Variants in SYNCRIP observed in about 807,000 individuals in gnomAD.
SYNCRIP encodes the protein heterogeneous nuclear ribonucleoprotein Q.
In SYNCRIP, 9 loss-of-function variants were observed where a neutral mutation model predicts 68.9. That is an observed-to-expected ratio of 0.13 (90% CI 0.08 to 0.23). The LOEUF is 0.23. Among genes scored for constraint, SYNCRIP ranks in the 10% least tolerant of loss-of-function variants. The pLI, the probability that SYNCRIP is intolerant of heterozygous loss-of-function variation, is 1.00. For missense variants in SYNCRIP, 414 were observed against 770.6 expected (o/e 0.54, Z 5.48); for synonymous variants, 258 against 254.0 (o/e 1.02, Z -0.15).
At chr6:85,634,264 T>C (rs1334313939) in intron 6 of SYNCRIP, among the ~76,000 whole-genome samples, 1 of 152,238 alleles carries the variant, frequency 6.6e-6, no homozygotes, top group Non-Finnish European at 1.5e-5. Context: ...TAATGGATTA[T>C]AAACCATCTT....
intron 7 of SYNCRIP, among the ~76,000 whole-genome samples, chr6:85,623,040 A>C (rs377112408): frequency 6.6e-6 from 1 of 152,210 alleles, no homozygotes; most frequent in Admixed American, 6.5e-5. Context: ...TTATGCAAAC[A>C]CTAAAATTAT....
chr6:85,632,068 T>C (rs1287927924), intron 6 of SYNCRIP, among the ~76,000 whole-genome samples: 5 of 152,234 alleles, frequency 3.3e-5, no homozygotes, highest in African/African-American at 1.2e-4. Context: ...TTTAAGAAAC[T>C]TGAAGTTGCT....
At chr6:85,619,746 GAATGCAGAGCAATAGAAACTCTCATTC>G (rs1806178476) in intron 8 of SYNCRIP, among the ~76,000 whole-genome samples, 2 of 152,166 alleles carry the variant, frequency 1.3e-5, no homozygotes, top group Non-Finnish European at 2.9e-5. Flanking sequence ...ATGCAGGTAA[GAATGCAGAGCAATAGAAACTCTCATTC>G]ATTGCTGGTG....
At position 85,614,761 on chromosome 6, in the gene SYNCRIP, T is replaced by G. The variant is rs771144836; in HGVS notation, c.1867A>C (p.Lys623Gln). Residue 623 changes from lysine to glutamine, a missense_variant, in exon 11 of 11, where the codon AAG becomes CAG. Physicochemically the swap from Lys to Gln is moderately conservative, Grantham distance 53. Transcript: ENST00000369622. ...FYQDTFGQQW[K>Q] ...TTACAGAGGCCCTACTGTTTCTACT[T>G]CCACTGTTGCCCAAAAGTATCCTGA... 1.3e-6 allele frequency: 2 copies of G among 1,589,400 alleles called. No homozygotes were observed. Among genetic ancestry groups the G allele is most frequent in the Non-Finnish European group, 1.7e-6 (2 of 1,169,062 alleles).
chr6:85,614,259 G>A lies in SYNCRIP; in HGVS notation c.*497C>T, dbSNP rs912750421. 14 of 985,284 alleles carry A rather than the reference G, an allele frequency of 1.4e-5. No individual in the cohort carries two copies. The highest frequency in any genetic ancestry group is 1.7e-5 in the African/African-American group (1 of 57,202). 61.0% of individuals were successfully genotyped at this position (985,284 alleles called of 1,614,324 possible). A position where few individuals can be genotyped will look rare whatever the true frequency, so the allele number is the denominator to read the frequency against. ...TTATTGAAATAAACAACAGCATAAA[G>A]AATACAAGTAGCCAAAATGGTTTTG... On this transcript the variant is annotated 3_prime_UTR_variant, in exon 11 of 11. Coordinates refer to ENST00000369622, the MANE Select transcript of SYNCRIP (RefSeq NM_006372.5).
intron 4 of SYNCRIP, among the ~76,000 whole-genome samples, chr6:85,638,162 A>G (rs1200947583): frequency 6.6e-6 from 1 of 152,090 alleles, no homozygotes; most frequent in Non-Finnish European, 1.5e-5. Flanking sequence ...TCAGGACATC[A>G]GGAGCTCAAG....
chr6:85,639,987 C>G (rs776949249), intron 4 of SYNCRIP, among the ~76,000 whole-genome samples: 4 of 152,154 alleles, frequency 2.6e-5, no homozygotes, highest in Non-Finnish European at 5.9e-5. Context: ...TTTCTTTATA[C>G]TAGGACTACC....
chr6:85,641,565 T>C, intron 1 of SYNCRIP, 114 bp from the exon 2 acceptor site: 1 of 1,060,198 alleles, frequency 9.4e-7, no homozygotes, highest in Non-Finnish European at 1.3e-6. Flanking sequence ...AGCCTATACC[T>C]CCCTTTAAAA....
At chr6:85,627,047 C>A (rs1317746390) in intron 6 of SYNCRIP, among the ~76,000 whole-genome samples, 1 of 152,094 alleles carries the variant, frequency 6.6e-6, no homozygotes, top group Non-Finnish European at 1.5e-5. Context: ...GGGCGAATTG[C>A]CTAAGCTCAG....
At chr6:85,638,016 A>C (rs934177624) in intron 4 of SYNCRIP, among the ~76,000 whole-genome samples, 5 of 152,216 alleles carry the variant, frequency 3.3e-5, no homozygotes, top group Admixed American at 2.6e-4. Flanking sequence ...TAACTGTTAA[A>C]ATTTACACAA....
At chr6:85,627,684 G>A (rs1234825590) in intron 6 of SYNCRIP, among the ~76,000 whole-genome samples, 1 of 152,030 alleles carries the variant, frequency 6.6e-6, no homozygotes, top group African/African-American at 2.4e-5. Context: ...ATAAAAAAAC[G>A]AGCACACACA....
intron 6 of SYNCRIP, among the ~76,000 whole-genome samples, chr6:85,629,066 A>C (rs1023422006): frequency 2.0e-5 from 3 of 152,226 alleles, no homozygotes; most frequent in South Asian, 2.1e-4. Context: ...CATGCCACCC[A>C]CATCAGGGCT....
chr6:85,618,552 CA>C (rs926108782), intron 10 of SYNCRIP, among the ~76,000 whole-genome samples: 71 of 150,142 alleles, frequency 4.7e-4, no homozygotes, highest in Non-Finnish European at 7.9e-4. Context: ...CAATACAAAA[CA>C]AAAAAAAAGC....
Position 85,614,400 on chromosome 6 carries a change from G to C in SYNCRIP, c.*356C>G, listed in dbSNP as rs1805529266. The C allele has an allele frequency of 1.0e-6, 1 of 1,004,946 alleles. No individual in the cohort carries two copies. 62.3% of individuals were successfully genotyped at this position (1,004,946 alleles called of 1,614,324 possible). On this transcript the variant is annotated 3_prime_UTR_variant, in exon 11 of 11. Coordinates refer to ENST00000369622, the MANE Select transcript of SYNCRIP (RefSeq NM_006372.5). ...AGTTATTCTGATACAAGATATTAAA[G>C]ACACACTTGGTTTTAATCAACTACC... is the stretch of plus-strand genomic sequence containing the variant.
intron 10 of SYNCRIP, 126 bp downstream of exon 10, chr6:85,618,692 C>T: frequency 1.3e-6 from 1 of 753,396 alleles, no homozygotes; most frequent in East Asian, 2.8e-5. Context: ...CTATGACTCT[C>T]AAACGTTCAA....
At chr6:85,623,936 T>C (rs1034078298) in intron 7 of SYNCRIP, 41 bp downstream of exon 7, 3 of 1,603,206 alleles carry the variant, frequency 1.9e-6, no homozygotes, top group Non-Finnish European at 2.6e-6. Flanking sequence ...TTAATCTTCA[T>C]TATTAAAAGC....
At chr6:85,632,157 A>G (rs1807868740) in intron 6 of SYNCRIP, among the ~76,000 whole-genome samples, 2 of 152,218 alleles carry the variant, frequency 1.3e-5, no homozygotes, top group Admixed American at 6.5e-5. Flanking sequence ...TATAAAGTCT[A>G]CAGTACTATT....
At chr6:85,625,225 C>T (rs1466621164) in intron 6 of SYNCRIP, among the ~76,000 whole-genome samples, 4 of 152,100 alleles carry the variant, frequency 2.6e-5, no homozygotes, top group East Asian at 1.9e-4. Flanking sequence ...TCTGTACAGG[C>T]TATTCAAGTG....
chr6:85,643,822 T>A (rs912572322), upstream of SYNCRIP: 4 of 151,860 alleles, frequency 2.6e-5, no homozygotes, highest in African/African-American at 9.7e-5. Flanking sequence ...TCCACGCCGC[T>A]GCCACCGCCC....
Sources: allele counts gnomAD v4.1 joint callset (sites outside exome capture counted in the v4.1 genomes callset), GRCh38; gene constraint gnomAD v4.1.1; transcripts MANE v1.5; gene names NCBI Gene and HGNC (gene_info 2026-07-23, HGNC 2026-07-21).